Variants in KCND2 observed in about 807,000 individuals in gnomAD.
KCND2 encodes A-type voltage-gated potassium channel KCND2.
A neutral mutation model predicts 54.4 loss-of-function variants in KCND2; 16 were observed. The ratio of observed to expected loss-of-function variants is 0.29; its 90% confidence interval spans 0.20 to 0.45. The LOEUF (loss-of-function observed/expected upper bound fraction) is 0.45, where lower values mean the gene tolerates loss of function less well. Among genes scored for constraint, KCND2 ranks in the 20% least tolerant of loss-of-function variants. The pLI, the probability that KCND2 is intolerant of heterozygous loss-of-function variation, is 1.00. For synonymous variants in KCND2, 317 were observed against 310.7 expected (o/e 1.02, Z -0.21); for missense variants, 486 against 824.2 (o/e 0.59, Z 5.02).
intron 1 of KCND2, among the ~76,000 whole-genome samples, chr7:120,407,059 TG>T (rs1477529710): frequency 6.6e-6 from 1 of 151,468 alleles, no homozygotes; most frequent in Non-Finnish European, 1.5e-5. Context: ...AAATTCTCAA[TG>T]AAAAAAAAAA....
chr7:120,497,500 A>G (rs185938969), intron 1 of KCND2, among the ~76,000 whole-genome samples: 1 of 152,342 alleles, frequency 6.6e-6, no homozygotes, highest in East Asian at 1.9e-4. Flanking sequence ...AGAACTTTCA[A>G]ATGATAGAGA....
chr7:120,535,876 A>G (rs1791900344), intron 1 of KCND2, among the ~76,000 whole-genome samples: 1 of 152,102 alleles, frequency 6.6e-6, no homozygotes, highest in Middle Eastern at 3.2e-3. Flanking sequence ...CCATAATGCT[A>G]GATTGTTTTC....
At chr7:120,363,698 A>G (rs1192964336) in intron 1 of KCND2, among the ~76,000 whole-genome samples, 3 of 152,022 alleles carry the variant, frequency 2.0e-5, no homozygotes, top group Admixed American at 6.6e-5. Context: ...TTACCTCTCT[A>G]AGGACCTTGT....
chr7:120,368,516 A>C (rs1584749987), intron 1 of KCND2, among the ~76,000 whole-genome samples: 1 of 152,216 alleles, frequency 6.6e-6, no homozygotes, highest in East Asian at 1.9e-4. Context: ...TCTAAAAGTG[A>C]CTTTTCTCTA....
intron 1 of KCND2, among the ~76,000 whole-genome samples, chr7:120,461,824 G>C (rs1289690423): frequency 6.6e-6 from 1 of 151,840 alleles, no homozygotes; most frequent in Admixed American, 6.6e-5. Flanking sequence ...TCCCACTCCT[G>C]TACTTGTATT....
At chr7:120,651,464 A>G (rs946409955) in intron 1 of KCND2, among the ~76,000 whole-genome samples, 9 of 152,190 alleles carry the variant, frequency 5.9e-5, no homozygotes, top group Admixed American at 2.6e-4. Flanking sequence ...GACTGTTGGA[A>G]AAGTGCAGTA....
At chr7:120,564,306 G>A (rs1312950232) in intron 1 of KCND2, among the ~76,000 whole-genome samples, 2 of 152,096 alleles carry the variant, frequency 1.3e-5, no homozygotes, top group Non-Finnish European at 2.9e-5. Flanking sequence ...TTCTTCTTGT[G>A]CAGAACTCCA....
At chr7:120,711,469 C>T (rs1792536257) in intron 1 of KCND2, among the ~76,000 whole-genome samples, 1 of 152,054 alleles carries the variant, frequency 6.6e-6, no homozygotes, top group African/African-American at 2.4e-5. Flanking sequence ...CTTTTTCAAA[C>T]TTAAGAAATT....
chr7:120,647,291 G>A (rs558431738), intron 1 of KCND2, among the ~76,000 whole-genome samples: 7 of 152,148 alleles, frequency 4.6e-5, no homozygotes, highest in Non-Finnish European at 8.8e-5. Flanking sequence ...TGGCAGCCCT[G>A]ACTGCCCTTG....
chr7:120,499,624 T>C (rs999619169), intron 1 of KCND2, among the ~76,000 whole-genome samples: 1 of 152,162 alleles, frequency 6.6e-6, no homozygotes, highest in African/African-American at 2.4e-5. Context: ...CTCAGTCTAC[T>C]CCAATTCCCT....
At chr7:120,305,317 C>T (rs2116303105) in intron 1 of KCND2, among the ~76,000 whole-genome samples, 1 of 152,074 alleles carries the variant, frequency 6.6e-6, no homozygotes, top group Admixed American at 6.6e-5. Flanking sequence ...TTCTTGTGGG[C>T]CTAGCTATGT....
At chr7:120,449,343 A>AT (rs1284582629) in intron 1 of KCND2, among the ~76,000 whole-genome samples, 2 of 151,772 alleles carry the variant, frequency 1.3e-5, no homozygotes, top group East Asian at 3.9e-4. Flanking sequence ...AAAAAAAAAA[A>AT]ATATTTTCTC....
At chr7:120,471,114 A>C (rs1326670480) in intron 1 of KCND2, among the ~76,000 whole-genome samples, 1 of 152,098 alleles carries the variant, frequency 6.6e-6, no homozygotes, top group African/African-American at 2.4e-5. Context: ...TAGGCAAACT[A>C]TACTTAACTA....
chr7:120,366,049 A>T lies in KCND2; in HGVS notation c.1115+90302A>T, dbSNP rs141723716. 3.3e-5 allele frequency among the ~76,000 whole-genome samples: 5 copies of T among 152,260 alleles called. No individual in the cohort carries two copies. In the East Asian group the frequency reaches 9.7e-4, roughly 29 times the overall value. The stretch of plus-strand genomic sequence containing the variant: ...TAGACAATTGTTAATTATAGTAGAG[A>T]TGATTCCAGTTAGTAAACAGCATTG... On this transcript the variant is annotated intron_variant, in intron 1 of 5. Coordinates refer to ENST00000331113, the MANE Select transcript of KCND2 (RefSeq NM_012281.3).
intron 1 of KCND2, among the ~76,000 whole-genome samples, chr7:120,291,802 G>A (rs1799439273): frequency 6.6e-6 from 1 of 151,830 alleles, no homozygotes; most frequent in African/African-American, 2.4e-5. Flanking sequence ...GCTCTGAAAT[G>A]ACCAATTGTT....
chr7:120,307,575 C>T (rs1032224538), intron 1 of KCND2, among the ~76,000 whole-genome samples: 4 of 152,018 alleles, frequency 2.6e-5, no homozygotes, highest in Non-Finnish European at 5.9e-5. Flanking sequence ...TGAAATGAGA[C>T]CGTCTTCTCA....
chr7:120,655,747 G>T (rs182046405), intron 1 of KCND2, among the ~76,000 whole-genome samples: 2 of 151,936 alleles, frequency 1.3e-5, no homozygotes, highest in Non-Finnish European at 2.9e-5. Context: ...AAACTACTGC[G>T]CTGTACCCTC....
At chr7:120,546,331 T>C (rs1352061117) in intron 1 of KCND2, among the ~76,000 whole-genome samples, 2 of 151,974 alleles carry the variant, frequency 1.3e-5, no homozygotes, top group Non-Finnish European at 2.9e-5. Flanking sequence ...ATGCTGTTCT[T>C]TCCTTGAATT....
chr7:120,584,757 C>T (rs1792570585), intron 1 of KCND2, among the ~76,000 whole-genome samples: 1 of 152,228 alleles, frequency 6.6e-6, no homozygotes, highest in Admixed American at 6.5e-5. Flanking sequence ...CACGCACACA[C>T]ACGCATGCGC....
Sources: gnomAD v4.1 joint callset for allele counts (sites outside exome capture counted in the v4.1 genomes callset) on GRCh38, gnomAD v4.1.1 for gene constraint, MANE v1.5 for transcripts, NCBI Gene and HGNC (gene_info 2026-07-23, HGNC 2026-07-21) for gene names.